Variants in BMPER observed in about 807,000 individuals in gnomAD.
BMPER encodes the protein BMP binding endothelial regulator, also known as BMP-binding endothelial regulator protein.
A neutral mutation model predicts 87.3 loss-of-function variants in BMPER; 45 were observed. The ratio of observed to expected loss-of-function variants is 0.52; its 90% confidence interval spans 0.41 to 0.66. The LOEUF is 0.66. BMPER is among the 30% of genes least tolerant of loss of function. The pLI is 0.00. For synonymous variants in BMPER, 326 were observed against 316.2 expected (o/e 1.03, Z -0.33); for missense variants, 784 against 867.5 (o/e 0.90, Z 1.21).
chr7:34,114,570 G>A (rs1180115885), intron 13 of BMPER, among the ~76,000 whole-genome samples: 1 of 152,146 alleles, frequency 6.6e-6, no homozygotes, highest in Non-Finnish European at 1.5e-5. Flanking sequence ...TACAACTTAG[G>A]GAGGAAAAAT....
intron 13 of BMPER, among the ~76,000 whole-genome samples, chr7:34,104,258 G>C (rs958734536): frequency 6.6e-5 from 10 of 152,044 alleles, no homozygotes; most frequent in Non-Finnish European, 7.4e-5. Flanking sequence ...ATTCCATTTG[G>C]CCTTAGATAT....
chr7:34,024,375 AAAAAAAACAATATATAT>A (rs1787286508), intron 6 of BMPER, among the ~76,000 whole-genome samples: 2 of 93,534 alleles, frequency 2.1e-5, no homozygotes, highest in Admixed American at 1.3e-4. Context: ...AAAAAAAAAA[AAAAAAAACAATATATAT>A]ATATATATAT....
At chr7:33,921,807 A>C in intron 2 of BMPER, 1 of 471,018 alleles carries the variant, frequency 2.1e-6, no homozygotes, top group Non-Finnish European at 4.4e-6. Flanking sequence ...GCAATCTGAC[A>C]CAAAACCCAG....
At chr7:34,082,269 A>T (rs912157687) in intron 12 of BMPER, among the ~76,000 whole-genome samples, 1 of 152,002 alleles carries the variant, frequency 6.6e-6, no homozygotes, top group Non-Finnish European at 1.5e-5. Flanking sequence ...TTTTCATCTC[A>T]TAAGATGCCT....
intron 6 of BMPER, among the ~76,000 whole-genome samples, chr7:33,975,309 C>T (rs754382130): frequency 2.6e-5 from 4 of 152,040 alleles, no homozygotes; most frequent in African/African-American, 4.8e-5. Flanking sequence ...TGCTTCTGTG[C>T]GTCCTGAGGG....
At chr7:33,982,244 C>A (rs868199770) in intron 6 of BMPER, among the ~76,000 whole-genome samples, 1 of 152,098 alleles carries the variant, frequency 6.6e-6, no homozygotes, top group South Asian at 2.1e-4. Context: ...ATAATATGTG[C>A]AATTTGATGC....
chr7:34,092,544 C>A (rs971290479), intron 13 of BMPER, among the ~76,000 whole-genome samples: 1 of 152,164 alleles, frequency 6.6e-6, no homozygotes, highest in African/African-American at 2.4e-5. Context: ...GCCTAATAGT[C>A]GCATCCCTTT....
At chr7:33,933,441 GTT>G (rs3083764) in intron 2 of BMPER, among the ~76,000 whole-genome samples, 126 of 128,380 alleles carry the variant, frequency 9.8e-4, no homozygotes, top group East Asian at 8.3e-3. Flanking sequence ...CATTGGTTAG[GTT>G]TTTTTTTTTT....
intron 13 of BMPER, among the ~76,000 whole-genome samples, chr7:34,096,447 C>T (rs1418056650): frequency 1.3e-5 from 2 of 152,228 alleles, no homozygotes; most frequent in South Asian, 2.1e-4. Flanking sequence ...GGACTCTGTC[C>T]GTTTCCCAAT....
chr7:34,023,806 G>A (rs1423055647), intron 6 of BMPER, among the ~76,000 whole-genome samples: 2 of 151,934 alleles, frequency 1.3e-5, no homozygotes, highest in Non-Finnish European at 2.9e-5. Context: ...TGATCACTTG[G>A]GTTTAGTTAG....
At chr7:34,076,775 G>A (rs1788875441) in intron 11 of BMPER, among the ~76,000 whole-genome samples, 1 of 152,170 alleles carries the variant, frequency 6.6e-6, no homozygotes, top group African/African-American at 2.4e-5. Flanking sequence ...ACAAGGAGAA[G>A]ATTGCCACAG....
intron 6 of BMPER, among the ~76,000 whole-genome samples, chr7:34,027,957 A>C (rs952355597): frequency 2.0e-5 from 3 of 152,098 alleles, no homozygotes; most frequent in Admixed American, 2.0e-4. Context: ...ATGCTGTTAC[A>C]AAAAATAATG....
intron 6 of BMPER, among the ~76,000 whole-genome samples, chr7:34,029,132 C>G (rs1366200121): frequency 6.6e-6 from 1 of 151,982 alleles, no homozygotes; most frequent in East Asian, 1.9e-4. Flanking sequence ...GTGACTGTTT[C>G]TTAGAAAGAA....
intron 2 of BMPER, among the ~76,000 whole-genome samples, chr7:33,916,154 A>G (rs551394111): frequency 2.6e-5 from 4 of 152,350 alleles, no homozygotes. Context: ...TTCTCAGGGT[A>G]GACAATGGAA....
rs142111621 is a variant in BMPER, at chr7:34,082,264, A to G, written c.1408+3078A>G. Among the ~76,000 whole-genome samples, 49 of 151,806 alleles carry G rather than the reference A, an allele frequency of 3.2e-4. No individual in the cohort carries two copies. In the East Asian group the frequency reaches 9.5e-3, roughly 30 times the overall value. On this transcript the variant is annotated intron_variant, in intron 12 of 14. Transcript: ENST00000649409. ...TCTCAAACCCTTCCATGATGTTTTC[A>G]TCTCATAAGATGCCTATTTAAAATA...
chr7:34,029,813 G>A (rs769827293), intron 6 of BMPER, among the ~76,000 whole-genome samples: 1 of 152,034 alleles, frequency 6.6e-6, no homozygotes, highest in Non-Finnish European at 1.5e-5. Context: ...TTAAAGGCAT[G>A]GAAACCACAT....
intron 3 of BMPER, among the ~76,000 whole-genome samples, chr7:33,946,252 C>G (rs944767157): frequency 3.9e-5 from 6 of 152,100 alleles, no homozygotes; most frequent in Non-Finnish European, 8.8e-5. Context: ...CCCCATGATT[C>G]AATTACTTCC....
intron 14 of BMPER, among the ~76,000 whole-genome samples, chr7:34,145,008 A>C (rs1263004006): frequency 6.6e-6 from 1 of 152,196 alleles, no homozygotes; most frequent in African/African-American, 2.4e-5. Flanking sequence ...GTTCACTTAG[A>C]CCTGTGAGTT....
At chr7:33,976,297 T>A (rs1785686009) in intron 6 of BMPER, among the ~76,000 whole-genome samples, 1 of 151,962 alleles carries the variant, frequency 6.6e-6, no homozygotes, top group Admixed American at 6.6e-5. Flanking sequence ...GGATTACAGG[T>A]GTGCGCCACC....
Sources: gnomAD v4.1 joint callset for allele counts (sites outside exome capture counted in the v4.1 genomes callset) on GRCh38, gnomAD v4.1.1 for gene constraint, MANE v1.5 for transcripts, NCBI Gene and HGNC (gene_info 2026-07-23, HGNC 2026-07-21) for gene names.